GPC6: variants seen among roughly 807,000 people sequenced by gnomAD.
The protein encoded by GPC6 is glypican-6.
Under a neutral mutation model 55.2 loss-of-function variants are expected in GPC6, and 14 were observed. The observed-to-expected ratio is 0.25, with a 90% CI of 0.17 to 0.40. The LOEUF is 0.40. Among genes scored for constraint, GPC6 ranks in the 10% least tolerant of loss-of-function variants. The pLI is 1.00. For missense variants in GPC6, 641 were observed against 708.5 expected, an observed-to-expected ratio of 0.90 and a Z score of 1.08; for synonymous variants, 278 against 259.6, an observed-to-expected ratio of 1.07 and a Z score of -0.68.
At chr13:93,489,784 A>G (rs1879887654) in intron 1 of GPC6, among the ~76,000 whole-genome samples, 9 of 151,338 alleles carry the variant, frequency 5.9e-5, no homozygotes, top group Admixed American at 5.9e-4. Context: ...TTATTGGTGT[A>G]TAAGAATGCT....
At chr13:93,523,318 A>C (rs1881509259) in intron 1 of GPC6, among the ~76,000 whole-genome samples, 3 of 149,006 alleles carry the variant, frequency 2.0e-5, no homozygotes, top group African/African-American at 7.6e-5. Flanking sequence ...AATATTTAAA[A>C]GAGGATATAT....
intron 3 of GPC6, among the ~76,000 whole-genome samples, chr13:93,899,447 A>G (rs1332741667): frequency 6.7e-6 from 1 of 148,504 alleles, no homozygotes. Flanking sequence ...GGATGAAGGA[A>G]AAAAAAAAAA....
At chr13:93,254,000 C>T (rs1342763139) in intron 1 of GPC6, among the ~76,000 whole-genome samples, 1 of 152,136 alleles carries the variant, frequency 6.6e-6, no homozygotes, top group Non-Finnish European at 1.5e-5. Flanking sequence ...ACCAACATTC[C>T]TTTAGCAAAA....
intron 1 of GPC6, among the ~76,000 whole-genome samples, chr13:93,376,314 AT>A (rs1874896226): frequency 6.6e-6 from 1 of 152,186 alleles, no homozygotes; most frequent in Non-Finnish European, 1.5e-5. Flanking sequence ...CAATATCCAT[AT>A]TTTAAAGCAT....
chr13:93,853,532 A>G (rs745581497), intron 3 of GPC6, among the ~76,000 whole-genome samples: 4 of 151,700 alleles, frequency 2.6e-5, no homozygotes, highest in Non-Finnish European at 5.9e-5. Context: ...TAATTACTAT[A>G]TTTTCACTCC....
chr13:93,880,519 T>A (rs981641312), intron 3 of GPC6, among the ~76,000 whole-genome samples: 4 of 151,744 alleles, frequency 2.6e-5, no homozygotes, highest in South Asian at 2.1e-4. Flanking sequence ...GAACATGAGA[T>A]CACATGGACA....
intron 1 of GPC6, among the ~76,000 whole-genome samples, chr13:93,345,090 A>T (rs1053332320): frequency 3.3e-5 from 5 of 152,188 alleles, no homozygotes; most frequent in African/African-American, 1.2e-4. Context: ...AATGCTCAAG[A>T]TGATTTCATT....
intron 1 of GPC6, among the ~76,000 whole-genome samples, chr13:93,254,741 T>A (rs1421279901): frequency 2.0e-5 from 3 of 151,918 alleles, no homozygotes; most frequent in African/African-American, 7.3e-5. Context: ...GATGCCCAGA[T>A]GACAACAAGC....
chr13:93,428,902 T>C (rs1368815780), intron 1 of GPC6, among the ~76,000 whole-genome samples: 2 of 152,158 alleles, frequency 1.3e-5, no homozygotes, highest in Non-Finnish European at 2.9e-5. Context: ...TCAAGTCATT[T>C]TCAGATAGGA....
intron 4 of GPC6, among the ~76,000 whole-genome samples, chr13:94,185,441 A>G (rs1889142995): frequency 6.6e-6 from 1 of 152,030 alleles, no homozygotes; most frequent in Non-Finnish European, 1.5e-5. Flanking sequence ...TAACTTTATG[A>G]CATAGACAAC....
intron 1 of GPC6, among the ~76,000 whole-genome samples, chr13:93,430,919 C>T (rs1877333765): frequency 6.6e-6 from 1 of 152,120 alleles, no homozygotes; most frequent in African/African-American, 2.4e-5. Flanking sequence ...TGATAGCTCT[C>T]AGACTGGTTA....
intron 1 of GPC6, among the ~76,000 whole-genome samples, chr13:93,239,856 T>A (rs747789199): frequency 5.2e-4 from 79 of 152,022 alleles, no homozygotes; most frequent in Non-Finnish European, 8.5e-4. Context: ...TTTGAAAAAA[T>A]TATTAATTTT....
At chr13:93,917,187 G>A (rs1047313168) in intron 3 of GPC6, among the ~76,000 whole-genome samples, 2 of 152,042 alleles carry the variant, frequency 1.3e-5, no homozygotes, top group African/African-American at 4.8e-5. Context: ...AATTTTATTA[G>A]TTTTTTAATA....
chr13:93,894,362 G>A (rs533450985), intron 3 of GPC6, among the ~76,000 whole-genome samples: 2 of 152,092 alleles, frequency 1.3e-5, no homozygotes, highest in Non-Finnish European at 2.9e-5. Flanking sequence ...GGCCTTCCAA[G>A]GTGATGGTTT....
chr13:93,398,223 G>C (rs551351619), intron 1 of GPC6, among the ~76,000 whole-genome samples: 2 of 152,162 alleles, frequency 1.3e-5, no homozygotes, highest in Admixed American at 1.3e-4. Flanking sequence ...AAGCAAAAAC[G>C]TATGTTCTTT....
At chr13:93,334,074 G>T (rs1300342061) in intron 1 of GPC6, among the ~76,000 whole-genome samples, 1 of 152,078 alleles carries the variant, frequency 6.6e-6, no homozygotes, top group Non-Finnish European at 1.5e-5. Flanking sequence ...ATGAAGTCAA[G>T]ATCCATTTTC....
chr13:93,251,238 C>A (rs559295636), intron 1 of GPC6, among the ~76,000 whole-genome samples: 1 of 152,076 alleles, frequency 6.6e-6, no homozygotes, highest in African/African-American at 2.4e-5. Context: ...TTGCACAGAC[C>A]CCTTGGGCAG....
intron 2 of GPC6, among the ~76,000 whole-genome samples, chr13:93,740,776 A>G (rs1884173185): frequency 6.6e-6 from 1 of 152,234 alleles, no homozygotes; most frequent in South Asian, 2.1e-4. Context: ...AAATTCAGGT[A>G]CAAAAAGAAT....
intron 4 of GPC6, among the ~76,000 whole-genome samples, chr13:94,126,513 G>A (rs1886820625): frequency 6.6e-6 from 1 of 152,094 alleles, no homozygotes; most frequent in African/African-American, 2.4e-5. Context: ...TTTCTACCAG[G>A]AAAAAGTTGA....
Sources: allele counts gnomAD v4.1 joint callset (sites outside exome capture counted in the v4.1 genomes callset), GRCh38; gene constraint gnomAD v4.1.1; transcripts MANE v1.5; gene names NCBI Gene and HGNC (gene_info 2026-07-23, HGNC 2026-07-21).